MAP4K1: variants seen among roughly 807,000 people sequenced by gnomAD.
The protein encoded by MAP4K1 is mitogen-activated protein kinase kinase kinase kinase 1.
MAP4K1 carries 35 observed loss-of-function variants against 122.8 expected under a neutral mutation model. The observed-to-expected ratio is 0.29, with a 90% CI of 0.22 to 0.38. The LOEUF (loss-of-function observed/expected upper bound fraction) is 0.38. MAP4K1 is among the 10% of genes least tolerant of loss of function. The pLI is 1.00. For missense variants in MAP4K1, 791 were observed against 1,072.6 expected, an observed-to-expected ratio of 0.74 and a Z score of 3.67; for synonymous variants, 412 against 421.3, an observed-to-expected ratio of 0.98 and a Z score of 0.27.
chr19:38,598,043 T>C (rs1232732187), intron 22 of MAP4K1, among the ~76,000 whole-genome samples: 1 of 152,108 alleles, frequency 6.6e-6, no homozygotes, highest in Non-Finnish European at 1.5e-5. Context: ...TTATTATTAT[T>C]ATTATTTTAG....
chr19:38,595,344 G>A (rs914593681), intron 29 of MAP4K1, 141 bp downstream of exon 29: 4 of 557,282 alleles, frequency 7.2e-6, no homozygotes, highest in Non-Finnish European at 1.3e-5. Context: ...GCAAAGAAGG[G>A]GATCTATCTG....
rs780668984 is a variant in MAP4K1 at position 38,599,974 on chromosome 19, G to A, written c.1620C>T (p.Ser540=). The A allele has an allele frequency of 5.6e-6, 9 of 1,614,080 alleles. No homozygotes were observed. In the African/African-American group the frequency reaches 6.7e-5, roughly 12 times the overall value. The change falls in exon 22 of 31, where the codon AGC becomes AGT. Residue 540 remains serine, a synonymous_variant. Coordinates refer to ENST00000396857, the MANE Select transcript of MAP4K1 (RefSeq NM_001042600.3). ...TGATGGAGTACACCCACGTAGTCCG[G>A]CTAGGAAAGAGCTGCAGGGAATGGG... The part of the protein sequence containing the change: ...QEATLEMLFP[S]RTTWVYSINN...
chr19:38,615,946 A>T (rs1975635783), intron 4 of MAP4K1, among the ~76,000 whole-genome samples: 1 of 148,462 alleles, frequency 6.7e-6, no homozygotes, highest in Non-Finnish European at 1.5e-5. Flanking sequence ...GGCGTGAGCC[A>T]CCACACCAGG....
chr19:38,608,023 T>C lies in MAP4K1; in HGVS notation c.1076A>G (p.Gln359Arg). 6.2e-7 allele frequency: 1 copy of C among 1,605,474 alleles called. No homozygotes were observed. The highest frequency in any genetic ancestry group is 8.5e-7 in the Non-Finnish European group (1 of 1,174,840). Residue 359 changes from glutamine (Q) to arginine (R), a missense_variant, in exon 15 of 31, where the codon CAG becomes CGG. This residue lies in a region of MAP4K1 where 303 missense variants were observed against 344.8 expected (regional missense o/e 0.88). Coordinates refer to ENST00000396857, the MANE Select transcript of MAP4K1 (RefSeq NM_001042600.3). ...TRPPANTARL[Q>R]PPRDLRSSSP... The stretch of plus-strand genomic sequence containing the variant: ...GCTGCTCCTGAGGTCTCGAGGAGGC[T>C]GTAGGCGAGCCTGTGGGGTAGGAAA...
At position 38,595,621 on chromosome 19, in the gene MAP4K1, C is replaced by A. The variant is rs1474375730; in HGVS notation, c.2269+19G>T. The A allele has an allele frequency of 6.2e-7, 1 of 1,614,066 alleles. No individual in the cohort carries two copies. Among genetic ancestry groups the A allele is most frequent in the Non-Finnish European group, 8.5e-7 (1 of 1,179,952 alleles). The stretch of plus-strand genomic sequence containing the variant: ...GAGTTTCCACCCCTGATCCTGGGCT[C>A]TCCCGTCCCTGCACAGACCCACGGC... On this transcript the variant is annotated intron_variant, in intron 28 of 30. Transcript: ENST00000396857.
Position 38,617,503 on chromosome 19 carries a change from T to A in MAP4K1, c.158-59A>T. On this transcript the variant is annotated intron_variant, in intron 2 of 30. Coordinates refer to ENST00000396857, the MANE Select transcript of MAP4K1 (RefSeq NM_001042600.3). This position sits in a 1 kb window ranked among gnomAD's most constrained non-coding sequence, Gnocchi z 4.1. The stretch of plus-strand genomic sequence containing the variant: ...CATGGGGAGAGAGCTACAGGGGAGG[T>A]GATCCCAGTGTCCCAGGAGGCGAAG... 6.2e-7 allele frequency: 1 copy of A among 1,604,558 alleles called. No individual in the cohort carries two copies. The highest frequency in any genetic ancestry group is 8.5e-7 in the Non-Finnish European group (1 of 1,172,084).
Position 38,605,516 on chromosome 19 carries a change from G to A in MAP4K1, c.1364-25C>T, listed in dbSNP as rs775110840. On this transcript the variant is annotated intron_variant, in intron 18 of 30. Coordinates refer to ENST00000396857, the MANE Select transcript of MAP4K1 (RefSeq NM_001042600.3). ...TCTGAGAGGGGTTAGGAGAAAATCA[G>A]CCCCCAAGAACCCCCAACCCTCCCG... 5.0e-5 allele frequency: 77 copies of A among 1,548,662 alleles called. No individual in the cohort carries two copies. In the East Asian group the frequency reaches 1.6e-3, roughly 31 times the overall value.
chr19:38,607,559 C>CAAAAA (rs759008757), intron 16 of MAP4K1, among the ~76,000 whole-genome samples: 1 of 55,042 alleles, frequency 1.8e-5, no homozygotes, highest in Non-Finnish European at 3.5e-5. Context: ...GACTCCATCT[C>CAAAAA]AAAAAAAAAA....
intron 22 of MAP4K1, among the ~76,000 whole-genome samples, chr19:38,598,320 C>T (rs138750985): frequency 0.013 from 2,010 of 151,472 alleles, 46 homozygotes; most frequent in African/African-American, 0.045. Flanking sequence ...TGTGAACCAC[C>T]GCACCCGGCC....
At position 38,597,271 on chromosome 19, in the gene MAP4K1, C is replaced by T. The variant is rs1330811451; in HGVS notation, c.1837+55G>A. The T allele has an allele frequency of 6.2e-7, 1 of 1,609,136 alleles. No individual in the cohort carries two copies. The highest frequency in any genetic ancestry group is 2.2e-5 in the East Asian group (1 of 44,872). On this transcript the variant is annotated intron_variant, in intron 24 of 30. Transcript: ENST00000396857. The surrounding 1 kb of genome is among the most constrained non-coding windows in gnomAD (Gnocchi z 4.6). ...TTCTCAGGTGGATGCAGTTCAAGCC[C>T]CTCCTCTGGCCTGGCCCCGCCCACT...
At position 38,597,812 on chromosome 19, in the gene MAP4K1, T is replaced by G. The variant is rs550682448; in HGVS notation, c.1670-218A>C. ...TGTGCTTGGCTCTGGTGAACAGTGA[T>G]GAGCATAAAAAATATGTTCCCTACC... On this transcript the variant is annotated intron_variant, in intron 22 of 30. Coordinates refer to ENST00000396857, the MANE Select transcript of MAP4K1 (RefSeq NM_001042600.3). The surrounding 1 kb of genome is among the most constrained non-coding windows in gnomAD (Gnocchi z 4.6). 1.8e-4 allele frequency among the ~76,000 whole-genome samples: 28 copies of G among 152,194 alleles called. No homozygotes were observed. The highest frequency in any genetic ancestry group is 1.1e-3 in the Admixed American group (17 of 15,266).
chr19:38,598,856 A>C (rs2144707602), intron 22 of MAP4K1, among the ~76,000 whole-genome samples: 1 of 151,508 alleles, frequency 6.6e-6, no homozygotes, highest in African/African-American at 2.4e-5. Context: ...TACTAAAAAC[A>C]CAAAAAATTA....
intron 13 of MAP4K1, among the ~76,000 whole-genome samples, chr19:38,609,350 G>T (rs893145232): frequency 6.6e-6 from 1 of 152,090 alleles, no homozygotes; most frequent in Non-Finnish European, 1.5e-5. Flanking sequence ...ACCCAGGCTC[G>T]TCTTGACATC....
chr19:38,593,199 A>C, intron 30 of MAP4K1, 83 bp downstream of exon 30: 2 of 1,340,366 alleles, frequency 1.5e-6, no homozygotes, highest in South Asian at 1.3e-5. Context: ...GGCTAGAGAT[A>C]CCTTGCTGGG....
Position 38,610,933 on chromosome 19 carries a change from C to T in MAP4K1, c.810+118G>A, listed in dbSNP as rs567897276. On this transcript the variant is annotated intron_variant, in intron 11 of 30. Transcript: ENST00000396857. ...GGGGTGGTCCTGGGAAATTCTGAGG[C>T]ACTAGGGACTTTGGAAAGGCCACGG... The T allele has an allele frequency of 3.8e-5, 33 of 862,654 alleles. No individual in the cohort carries two copies. In the Admixed American group the frequency reaches 6.4e-4, roughly 17 times the overall value. The allele number at this position is 862,654 out of a possible 1,614,324, so 53.4% of individuals were successfully genotyped here.
intron 9 of MAP4K1, among the ~76,000 whole-genome samples, 186 bp from the exon 10 acceptor site, chr19:38,611,491 G>A (rs958174574): frequency 2.6e-5 from 4 of 152,168 alleles, no homozygotes; most frequent in Admixed American, 1.3e-4. Flanking sequence ...AAGTGATAGA[G>A]CTATGGCAAG....
At chr19:38,602,551 T>C (rs1478569791) in intron 19 of MAP4K1, among the ~76,000 whole-genome samples, 2 of 145,878 alleles carry the variant, frequency 1.4e-5, no homozygotes, top group African/African-American at 5.0e-5. Context: ...TATACATATA[T>C]ATACACACAT....
In MAP4K1 at chr19:38,596,404, A is replaced by C. The variant is rs1974885857; in HGVS notation, c.2024T>G (p.Ile675Ser). Reference sequence around the variant, plus strand: ...CCCCGGCCGCCCGGGGCTCACGCCGATGCACACAGCGGGCAGCTCAGAGCC... The same window carrying C: ...CCCCGGCCGCCCGGGGCTCACGCCGCTGCACACAGCGGGCAGCTCAGAGCC... ...GPGSELPAVC[I>S]GVSPGRPGKS... Residue 675 changes from isoleucine (I) to serine (S), a missense_variant, in exon 26 of 31, where the codon ATC becomes AGC. Physicochemically the swap from Ile to Ser is moderately radical, Grantham distance 142. Transcript: ENST00000396857. 6.3e-7 allele frequency: 1 copy of C among 1,595,974 alleles called. No individual in the cohort carries two copies. Among genetic ancestry groups the C allele is most frequent in the Non-Finnish European group, 8.5e-7 (1 of 1,175,124 alleles).
chr19:38,611,149 C>G lies in MAP4K1; in HGVS notation c.729-17G>C. The G allele has an allele frequency of 6.2e-7, 1 of 1,612,002 alleles. No individual in the cohort carries two copies. The highest frequency in any genetic ancestry group is 1.1e-5 in the South Asian group (1 of 90,970). On this transcript the variant is annotated splice_polypyrimidine_tract_variant and intron_variant, in intron 10 of 30. Transcript: ENST00000396857. ...GCAGCCGACCTTGGGAAGAAGAAGC[C>G]AGGTTCTGGATGAGGGGACCAGAAA...
Sources: gnomAD v4.1 joint callset for allele counts (sites outside exome capture counted in the v4.1 genomes callset) on GRCh38, gnomAD v4.1.1 for gene constraint, gnomAD v4.1.1 regional missense constraint, Gnocchi (gnomAD v3.1) non-coding constraint, MANE v1.5 for transcripts, NCBI Gene and HGNC (gene_info 2026-07-23, HGNC 2026-07-21) for gene names.